Variants in JADE2 observed in about 807,000 individuals in gnomAD.
JADE2 encodes the protein jade family PHD finger 2.
A neutral mutation model predicts 85.7 loss-of-function variants in JADE2; 13 were observed. The ratio of observed to expected loss-of-function variants is 0.15; its 90% confidence interval spans 0.10 to 0.24. JADE2 has a LOEUF of 0.24. Ranked by LOEUF, JADE2 falls within the 10% of genes least tolerant of loss-of-function variation. JADE2 has a pLI of 1.00. For missense variants in JADE2, 846 were observed against 1,115.9 expected, an observed-to-expected ratio of 0.76 and a Z score of 3.45; for synonymous variants, 440 against 456.1, an observed-to-expected ratio of 0.96 and a Z score of 0.45.
upstream of JADE2, among the ~76,000 whole-genome samples, chr5:134,525,201 G>T (rs1237617664): frequency 2.6e-5 from 4 of 151,154 alleles, no homozygotes; most frequent in Non-Finnish European, 5.9e-5. Flanking sequence ...GGCGCCGCCC[G>T]GGTCTGGGGC....
rs768825714 is a variant in JADE2 at position 134,578,609 on chromosome 5, G to C, written c.1797G>C (p.Gly599=). 4 of 1,614,160 alleles carry C rather than the reference G, an allele frequency of 2.5e-6. No homozygotes were observed. The East Asian group carries it at 8.9e-5, about 36-fold the overall frequency. ...MAMSEWPLNN[G]HREDPAPGLL... is the part of the protein sequence containing the mutation. ...TGAGCGAGTGGCCACTGAACAATGG[G>C]CACCGCGAGGACCCTGCTCCAGGGC... Residue 599 remains glycine (G), a synonymous_variant, in exon 12 of 12, where the codon GGG becomes GGC. Transcript: ENST00000681547. The surrounding 1 kb of genome is among the most constrained non-coding windows in gnomAD (Gnocchi z 4.4).
chr5:134,533,655 G>C, intron 1 of JADE2: 2 of 814,840 alleles, frequency 2.5e-6, no homozygotes, highest in Non-Finnish European at 3.0e-6. Flanking sequence ...GCTGGGTTGC[G>C]CTGGGCTGGG....
At chr5:134,561,211 T>A (rs2589405) in intron 6 of JADE2, among the ~76,000 whole-genome samples, 43,159 of 152,118 alleles carry the variant, frequency 0.28, 6,638 homozygotes, top group Non-Finnish European at 0.35. Context: ...CTCCACCTTG[T>A]GCCCTGTCCC....
At chr5:134,537,872 T>A in intron 2 of JADE2, 117 bp from the exon 3 acceptor site, 1 of 723,392 alleles carries the variant, frequency 1.4e-6, no homozygotes, top group Non-Finnish European at 2.4e-6. Context: ...CTCACAGAGG[T>A]TTCTCCCTCA....
intron 9 of JADE2, among the ~76,000 whole-genome samples, chr5:134,570,818 C>T (rs1427849549): frequency 6.6e-6 from 1 of 152,214 alleles, no homozygotes; most frequent in Admixed American, 6.5e-5. Flanking sequence ...CTGGAGACCT[C>T]AGGCTCCACT....
chr5:134,539,047 A>AT (rs1393296681), intron 3 of JADE2, among the ~76,000 whole-genome samples: 7 of 137,466 alleles, frequency 5.1e-5, no homozygotes, highest in Non-Finnish European at 1.1e-4. Flanking sequence ...TTTTTATTTT[A>AT]TTTATTTATT....
At chr5:134,556,409 TCAACACACACACACACATCACA>T (rs1383201524) in intron 4 of JADE2, among the ~76,000 whole-genome samples, 1 of 151,876 alleles carries the variant, frequency 6.6e-6, no homozygotes, top group African/African-American at 2.4e-5. Flanking sequence ...TCCCAAGGTC[TCAACACACACACACACATCACA>T]CAACACACAC....
Position 134,552,585 on chromosome 5 carries a change from C to A in JADE2, c.311+376C>A, listed in dbSNP as rs527879923. On this transcript the variant is annotated intron_variant, in intron 4 of 11. Coordinates refer to ENST00000681547, the MANE Select transcript of JADE2 (RefSeq NM_001388185.1). ...GTTGAGATAATGGAATGAAATGACG[C>A]ATGGAAGGCACTTGGCACCAGGCCT... 5.9e-5 allele frequency among the ~76,000 whole-genome samples: 9 copies of A among 152,336 alleles called. No homozygotes were observed. The South Asian group carries it at 1.9e-3, about 32-fold the overall frequency.
At chr5:134,525,614 C>CCCCCAA, upstream of JADE2, 1 of 624,342 alleles carries the variant, frequency 1.6e-6, no homozygotes, top group Non-Finnish European at 2.3e-6. Context: ...ACCCCCACCC[C>CCCCCAA]AACACATTTT....
At chr5:134,538,656 G>C (rs995459904) in intron 3 of JADE2, among the ~76,000 whole-genome samples, 5 of 152,134 alleles carry the variant, frequency 3.3e-5, no homozygotes, top group African/African-American at 9.7e-5. Context: ...AAGCGCACTG[G>C]GGGTGGGTAG....
At chr5:134,557,085 AACAC>A (rs57933495) in intron 4 of JADE2, among the ~76,000 whole-genome samples, 93 of 148,010 alleles carry the variant, frequency 6.3e-4, no homozygotes, top group African/African-American at 2.1e-3. Context: ...ACACCACACA[AACAC>A]ACACACACAC....
At chr5:134,538,147 G>A in intron 3 of JADE2, 64 bp downstream of exon 3, 1 of 1,317,472 alleles carries the variant, frequency 7.6e-7, no homozygotes, top group Non-Finnish European at 1.1e-6. Flanking sequence ...TGCGGAGACT[G>A]GGGCAGAGCA....
At chr5:134,568,934 C>T (rs1224978136) in intron 9 of JADE2, among the ~76,000 whole-genome samples, 1 of 152,240 alleles carries the variant, frequency 6.6e-6, no homozygotes, top group Non-Finnish European at 1.5e-5. Flanking sequence ...TAACTGGGCA[C>T]TAAGCCAGCC....
chr5:134,532,766 G>T (rs1397778351), intron 1 of JADE2, among the ~76,000 whole-genome samples: 1 of 152,158 alleles, frequency 6.6e-6, no homozygotes, highest in Non-Finnish European at 1.5e-5. Context: ...TCTTGCTGAG[G>T]TTGCGAGGAG....
intron 3 of JADE2, among the ~76,000 whole-genome samples, chr5:134,542,743 T>A (rs1019860822): frequency 3.4e-5 from 5 of 148,808 alleles, no homozygotes; most frequent in Non-Finnish European, 7.5e-5. Flanking sequence ...TGCCTGGCCT[T>A]TTTTTTTGAG....
At chr5:134,526,786 C>A in intron 1 of JADE2, 2 of 983,974 alleles carry the variant, frequency 2.0e-6, no homozygotes, top group South Asian at 4.7e-5. Context: ...GGAGCCTCGG[C>A]GCCAGGGGTG....
intron 3 of JADE2, chr5:134,544,301 T>A (rs1762160672): frequency 6.5e-6 from 1 of 153,332 alleles, no homozygotes; most frequent in South Asian, 2.1e-4. Flanking sequence ...CCTGGGGAGC[T>A]TGTCCTTTGT....
At chr5:134,546,641 G>A (rs1218350677) in intron 3 of JADE2, among the ~76,000 whole-genome samples, 1 of 151,878 alleles carries the variant, frequency 6.6e-6, no homozygotes, top group Non-Finnish European at 1.5e-5. Flanking sequence ...GGTGGCCGGT[G>A]CCTGTAATCC....
chr5:134,551,160 T>C (rs1485821954), intron 3 of JADE2, among the ~76,000 whole-genome samples: 1 of 152,226 alleles, frequency 6.6e-6, no homozygotes, highest in Non-Finnish European at 1.5e-5. Flanking sequence ...ATAACATGAT[T>C]GTGAACCTCA....
Sources: allele counts gnomAD v4.1 joint callset (sites outside exome capture counted in the v4.1 genomes callset), GRCh38; gene constraint gnomAD v4.1.1; non-coding constraint Gnocchi (gnomAD v3.1); transcripts MANE v1.5; gene names NCBI Gene and HGNC (gene_info 2026-07-23, HGNC 2026-07-21).